Variants in UBE3D observed in about 807,000 individuals in gnomAD.
The protein encoded by UBE3D is ubiquitin protein ligase E3D, also known as E3 ubiquitin-protein ligase E3D.
A neutral mutation model predicts 49.6 loss-of-function variants in UBE3D; 48 were observed. That is an observed-to-expected ratio of 0.97 (90% CI 0.77 to 1.23). The LOEUF is 1.23. UBE3D is among the 50% of genes most tolerant of loss of function. The probability of loss-of-function intolerance (pLI) is 0.00; values close to 1 mark genes in which losing one functional copy is unlikely to be tolerated. For missense variants in UBE3D, 452 were observed against 468.4 expected (o/e 0.96, Z 0.32); for synonymous variants, 189 against 174.2 (o/e 1.08, Z -0.67).
At chr6:83,006,325 T>A (rs1779977323) in intron 8 of UBE3D, among the ~76,000 whole-genome samples, 1 of 152,192 alleles carries the variant, frequency 6.6e-6, no homozygotes, top group Non-Finnish European at 1.5e-5. Context: ...TGTCCTTGTA[T>A]TTGGAGATAG....
chr6:83,019,925 G>C (rs1462646073), intron 7 of UBE3D, among the ~76,000 whole-genome samples: 2 of 152,142 alleles, frequency 1.3e-5, no homozygotes, highest in Non-Finnish European at 2.9e-5. Flanking sequence ...GTAACTTCTG[G>C]GCAAGGCAAC....
chr6:82,925,245 C>G (rs1773661415), intron 9 of UBE3D: 1 of 152,170 alleles, frequency 6.6e-6, no homozygotes, highest in South Asian at 2.1e-4. Context: ...CCAAAGTCAC[C>G]TTCCTTTTAA....
intron 9 of UBE3D, chr6:82,925,183 T>A (rs1291271897): frequency 7.9e-5 from 12 of 152,216 alleles, no homozygotes; most frequent in Non-Finnish European, 8.8e-5. Flanking sequence ...GATATATCTG[T>A]AAGCAAAGTC....
chr6:82,911,663 A>G (rs1395134943), intron 9 of UBE3D, among the ~76,000 whole-genome samples: 1 of 152,144 alleles, frequency 6.6e-6, no homozygotes, highest in Non-Finnish European at 1.5e-5. Context: ...TCTTTCAACA[A>G]TGATCTGAGT....
chr6:83,029,907 C>A (rs1036891809), intron 5 of UBE3D, among the ~76,000 whole-genome samples: 6 of 152,154 alleles, frequency 3.9e-5, no homozygotes, highest in South Asian at 2.1e-4. Context: ...TGGGGCAAGG[C>A]TCTACTCAAA....
intron 8 of UBE3D, 80 bp from the exon 9 acceptor site, chr6:82,957,530 C>T: frequency 6.8e-7 from 1 of 1,469,994 alleles, no homozygotes; most frequent in East Asian, 2.4e-5. Flanking sequence ...GAAGAAAACT[C>T]AATTGTGAGA....
chr6:82,895,755 G>C (rs1771270321), intron 9 of UBE3D, among the ~76,000 whole-genome samples: 2 of 152,034 alleles, frequency 1.3e-5, no homozygotes, highest in South Asian at 4.1e-4. Flanking sequence ...GACAATGGTG[G>C]GCTTAGAAAG....
intron 9 of UBE3D, among the ~76,000 whole-genome samples, chr6:82,905,458 G>A (rs1772033685): frequency 6.6e-6 from 1 of 152,014 alleles, no homozygotes; most frequent in African/African-American, 2.4e-5. Flanking sequence ...TGTCTGTTCT[G>A]TCTGTACCAA....
chr6:82,945,543 A>C (rs1450519146), intron 9 of UBE3D, among the ~76,000 whole-genome samples: 1 of 152,198 alleles, frequency 6.6e-6, no homozygotes, highest in Non-Finnish European at 1.5e-5. Flanking sequence ...AGGTAAAAAC[A>C]AGCCCATGAT....
chr6:83,038,429 C>T lies in UBE3D; in HGVS notation c.654G>A (p.Glu218=). The T allele has an allele frequency of 6.2e-7, 1 of 1,612,046 alleles. No homozygotes were observed. Among genetic ancestry groups the T allele is most frequent in the Non-Finnish European group, 8.5e-7 (1 of 1,179,476 alleles). The part of the protein sequence containing the change: ...ICKRCKVMLG[E]TVSSETTKFY... ...TGAAATTCTTACCTGATGACACGGT[C>T]TCTCCCAACATTACCTTGCAACGCT... Residue 218 remains glutamate (E), a synonymous_variant, in exon 5 of 10, where the codon GAG becomes GAA. Transcript: ENST00000369747.
chr6:82,968,684 C>T lies in UBE3D; in HGVS notation c.1011-11234G>A, dbSNP rs182695722. ...ACCAGTCATCAGAGTACTCTTTGCC[C>T]CATACTCCTGCCAACAGTGAACTAA... On this transcript the variant is annotated intron_variant, in intron 8 of 9. Coordinates refer to ENST00000369747, the MANE Select transcript of UBE3D (RefSeq NM_198920.3). Among the ~76,000 whole-genome samples, 16 of 152,162 alleles carry T rather than the reference C, an allele frequency of 1.1e-4. No homozygotes were observed. In the East Asian group the frequency reaches 3.1e-3, roughly 29 times the overall value.
At chr6:82,991,482 CA>C (rs1778880730) in intron 8 of UBE3D, among the ~76,000 whole-genome samples, 1 of 152,076 alleles carries the variant, frequency 6.6e-6, no homozygotes, top group Admixed American at 6.6e-5. Flanking sequence ...TTTTTTATAA[CA>C]ATTTTGTGAA....
chr6:83,043,620 G>T (rs560724061), intron 4 of UBE3D, among the ~76,000 whole-genome samples: 1 of 151,988 alleles, frequency 6.6e-6, no homozygotes, highest in Non-Finnish European at 1.5e-5. Flanking sequence ...TCCTGCAGTC[G>T]CTCAGTTATT....
intron 5 of UBE3D, among the ~76,000 whole-genome samples, chr6:83,024,839 C>T (rs778455088): frequency 3.9e-5 from 6 of 152,088 alleles, no homozygotes; most frequent in Non-Finnish European, 7.4e-5. Context: ...GAAAGATTAA[C>T]GGTATAAATT....
At chr6:83,035,666 GGC>G (rs1348519207) in intron 5 of UBE3D, among the ~76,000 whole-genome samples, 2 of 152,104 alleles carry the variant, frequency 1.3e-5, no homozygotes, top group African/African-American at 4.8e-5. Context: ...TCACTGTTGT[GGC>G]CTGAAGTGGC....
chr6:82,987,050 T>A (rs1276831081), intron 8 of UBE3D, among the ~76,000 whole-genome samples: 1 of 151,948 alleles, frequency 6.6e-6, no homozygotes. Context: ...GCTCAAGCTA[T>A]CCTCCTCCCT....
chr6:82,910,647 C>T (rs1772433797), intron 9 of UBE3D, among the ~76,000 whole-genome samples: 1 of 152,176 alleles, frequency 6.6e-6, no homozygotes, highest in African/African-American at 2.4e-5. Flanking sequence ...AGCAGCATTC[C>T]AGAGGTTCCA....
rs148499053 is a variant in UBE3D, at chr6:82,892,924, T to C, written c.*98A>G. The C allele has an allele frequency of 2.0e-5, 28 of 1,390,946 alleles. No homozygotes were observed. Among genetic ancestry groups the C allele is most frequent in the Admixed American group, 1.8e-4 (11 of 59,664 alleles). 86.2% of individuals were successfully genotyped at this position (1,390,946 alleles called of 1,614,324 possible). A position where few individuals can be genotyped will look rare whatever the true frequency, so the allele number is the denominator to read the frequency against. ...GCTCTTATCCCATAGCTCTGGTTCT[T>C]GTCTTTGTAATTGATGCCTCCTGAG... On this transcript the variant is annotated 3_prime_UTR_variant, in exon 10 of 10. Transcript: ENST00000369747.
At chr6:82,993,854 G>C (rs1562162373) in intron 8 of UBE3D, among the ~76,000 whole-genome samples, 1 of 152,180 alleles carries the variant, frequency 6.6e-6, no homozygotes, top group Non-Finnish European at 1.5e-5. Flanking sequence ...TCTGGACCTA[G>C]GGTTCTCATG....
Sources: allele counts gnomAD v4.1 joint callset (sites outside exome capture counted in the v4.1 genomes callset), GRCh38; gene constraint gnomAD v4.1.1; transcripts MANE v1.5; gene names NCBI Gene and HGNC (gene_info 2026-07-23, HGNC 2026-07-21).